Variants in UNKL observed in about 807,000 individuals in gnomAD.
UNKL encodes unk like zinc finger.
Under a neutral mutation model 78.0 loss-of-function variants are expected in UNKL, and 60 were observed. The observed-to-expected ratio is 0.77, with a 90% CI of 0.63 to 0.95. The LOEUF (loss-of-function observed/expected upper bound fraction) is 0.95, where lower values mean the gene tolerates loss of function less well. Ranked by LOEUF, UNKL falls within the 40% of genes least tolerant of loss-of-function variation. The pLI is 0.00. For synonymous variants in UNKL, 608 were observed against 474.8 expected (o/e 1.28, Z -3.65); for missense variants, 1,159 against 1,045.7 (o/e 1.11, Z -1.49).
chr16:1,393,022 G>T (rs185636125), intron 7 of UNKL, 46 bp from the exon 8 acceptor site: 140 of 1,534,184 alleles, frequency 9.1e-5, no homozygotes, highest in Admixed American at 2.7e-4. Flanking sequence ...GCTGGTGGGC[G>T]ACAGTGACAC....
In UNKL at chr16:1,399,067, CG is replaced by C; in HGVS notation, c.734+306del. 7.3e-7 allele frequency: 1 copy of C among 1,370,728 alleles called. No homozygotes were observed. The highest frequency in any genetic ancestry group is 9.6e-7 in the Non-Finnish European group (1 of 1,040,058). The allele number at this position is 1,370,728 out of a possible 1,614,324, so 84.9% of individuals were successfully genotyped here. On this transcript the variant is annotated intron_variant, in intron 5 of 14. Coordinates refer to ENST00000389221, the MANE Select transcript of UNKL (RefSeq NM_001372107.1). This position sits in a 1 kb window ranked among gnomAD's most constrained non-coding sequence, Gnocchi z 5.8. ...CAACCAGAGGCACGGGTGGGGCACACGGGGGTCCCAGCTGGGCTTGGGGTCC... is the reference window on the plus strand; with the variant it reads ...CAACCAGAGGCACGGGTGGGGCACACGGGGTCCCAGCTGGGCTTGGGGTCC...
intron 10 of UNKL, among the ~76,000 whole-genome samples, chr16:1,383,084 C>G (rs898503583): frequency 1.0e-4 from 15 of 149,250 alleles, no homozygotes; most frequent in African/African-American, 3.5e-4. Flanking sequence ...ATGGTAAAAC[C>G]CGATCTCTAC....
In UNKL at chr16:1,378,276, G is replaced by A. The variant is rs371705297; in HGVS notation, c.1265-6665C>T. On this transcript the variant is annotated intron_variant, in intron 10 of 14. Transcript: ENST00000389221. ...CCACAGCCCCCTCATGCTCCCATAC[G>A]GGGGCTTGATGACGGGCAGGGCCAA... Among the ~76,000 whole-genome samples the A allele has an allele frequency of 1.8e-3, 273 of 152,312 alleles. 10 individuals are homozygous for A. The South Asian group carries it at 0.044, about 25-fold the overall frequency.
Position 1,413,851 on chromosome 16 carries a change from G to T in UNKL, c.282C>A (p.Gly94=). 6.6e-7 allele frequency: 1 copy of T among 1,519,812 alleles called. No individual in the cohort carries two copies. The highest frequency in any genetic ancestry group is 8.9e-7 in the Non-Finnish European group (1 of 1,124,982). 94.1% of individuals were successfully genotyped at this position (1,519,812 alleles called of 1,614,324 possible). A position where few individuals can be genotyped will look rare whatever the true frequency, so the allele number is the denominator to read the frequency against. Residue 94 remains glycine (G), a synonymous_variant, in exon 2 of 15, where the codon GGC becomes GGA. Coordinates refer to ENST00000389221, the MANE Select transcript of UNKL (RefSeq NM_001372107.1). ...YNEATGVCPD[G]DECPYLHRTT... ...GCCCCCTCGCGGCCGCTTACTCGTC[G>T]CCGTCGGGGCACACGCCGGTGGCTT...
intron 2 of UNKL, among the ~76,000 whole-genome samples, chr16:1,406,667 C>A (rs769195600): frequency 2.6e-5 from 4 of 152,166 alleles, no homozygotes; most frequent in Non-Finnish European, 4.4e-5. Flanking sequence ...ACTGCTCGCA[C>A]GTCCCAGGCC....
At chr16:1,407,575 G>A (rs2037824323) in intron 2 of UNKL, among the ~76,000 whole-genome samples, 3 of 151,824 alleles carry the variant, frequency 2.0e-5, no homozygotes, top group Non-Finnish European at 4.4e-5. Flanking sequence ...GTGCGCCTAT[G>A]GTCCCAGCTA....
intron 14 of UNKL, 141 bp from the exon 15 acceptor site, chr16:1,366,536 C>A: frequency 9.3e-7 from 1 of 1,078,968 alleles, no homozygotes; most frequent in Non-Finnish European, 1.3e-6. Flanking sequence ...GGGAGACGCC[C>A]CAGCCAGGGC....
At chr16:1,372,062 C>T (rs2035890621) in intron 10 of UNKL, among the ~76,000 whole-genome samples, 1 of 151,114 alleles carries the variant, frequency 6.6e-6, no homozygotes, top group African/African-American at 2.4e-5. Context: ...CGAGACCATC[C>T]TGGCTAACAC....
At position 1,367,665 on chromosome 16, in the gene UNKL, C is replaced by T. The variant is rs372523813; in HGVS notation, c.1779G>A (p.Gln593=). 1.1e-4 allele frequency: 165 copies of T among 1,569,414 alleles called. No individual in the cohort carries two copies. The African/African-American group carries it at 2.1e-3, about 20-fold the overall frequency. Residue 593 remains glutamine, a synonymous_variant, in exon 13 of 15, where the codon CAG becomes CAA. Transcript: ENST00000389221. ...CCCCCCACACACTCACCTGCTTCAC[C>T]TGCTGCCAGGACTCCTCCCACTGCC... is the stretch of plus-strand genomic sequence containing the variant. ...KIRQWEESWQ[Q]VKQVCDAWQR...
At chr16:1,386,619 A>C (rs2036822002) in intron 9 of UNKL, among the ~76,000 whole-genome samples, 2 of 152,206 alleles carry the variant, frequency 1.3e-5, no homozygotes, top group Non-Finnish European at 2.9e-5. Context: ...TTTGCTGCAA[A>C]GTAATGCAGA....
Position 1,363,278 on chromosome 16 carries a change from T to A in UNKL, c.*2962A>T, listed in dbSNP as rs555685957. 1.6e-6 allele frequency: 1 copy of A among 622,948 alleles called. No homozygotes were observed. The highest frequency in any genetic ancestry group is 1.8e-5 in the African/African-American group (1 of 54,336). 38.6% of individuals were successfully genotyped at this position (622,948 alleles called of 1,614,324 possible). A position where few individuals can be genotyped will look rare whatever the true frequency, so the allele number is the denominator to read the frequency against. On this transcript the variant is annotated 3_prime_UTR_variant, in exon 15 of 15. Coordinates refer to ENST00000389221, the MANE Select transcript of UNKL (RefSeq NM_001372107.1). ...TGAATTCTGTAAACCATTGCATAAA[T>A]GCTATAGTGTAAAAAAATTTAAACA...
chr16:1,387,371 G>A lies in UNKL; in HGVS notation c.1087-1986C>T, dbSNP rs894138634. On this transcript the variant is annotated intron_variant, in intron 9 of 14. Transcript: ENST00000389221. The surrounding 1 kb of genome is among the most constrained non-coding windows in gnomAD (Gnocchi z 4.1). ...TGATTCGAGACCTGGTGCCATCTCAGTGGCAACCCGCCCCCTATCCCTTGC... is the reference window on the plus strand; with the variant it reads ...TGATTCGAGACCTGGTGCCATCTCAATGGCAACCCGCCCCCTATCCCTTGC... Among the ~76,000 whole-genome samples the A allele has an allele frequency of 6.6e-6, 1 of 152,212 alleles. No homozygotes were observed. Among genetic ancestry groups the A allele is most frequent in the African/African-American group, 2.4e-5 (1 of 41,448 alleles).
chr16:1,379,405 G>A (rs1004582192), intron 10 of UNKL: 26 of 914,892 alleles, frequency 2.8e-5, no homozygotes, highest in Non-Finnish European at 3.1e-5. Flanking sequence ...AGCCCGCGCT[G>A]GGAAGCGGCG....
intron 2 of UNKL, among the ~76,000 whole-genome samples, chr16:1,411,005 G>C (rs1434559164): frequency 6.6e-6 from 1 of 152,090 alleles, no homozygotes; most frequent in Non-Finnish European, 1.5e-5. Context: ...GCCAAGGTGG[G>C]AAGATCGCTT....
rs988106228 is a variant in UNKL at position 1,387,772 on chromosome 16, C to T, written c.1087-2387G>A. On this transcript the variant is annotated intron_variant, in intron 9 of 14. Coordinates refer to ENST00000389221, the MANE Select transcript of UNKL (RefSeq NM_001372107.1). The surrounding 1 kb of genome is among the most constrained non-coding windows in gnomAD (Gnocchi z 4.1). ...GGGACGTGGACACTGCACCGCCGCACGGCTGCCCGGCCTGCGGAAGCCCTC... is the reference window on the plus strand; with the variant it reads ...GGGACGTGGACACTGCACCGCCGCATGGCTGCCCGGCCTGCGGAAGCCCTC... 1.7e-4 allele frequency among the ~76,000 whole-genome samples: 26 copies of T among 152,066 alleles called. No homozygotes were observed. Among genetic ancestry groups the T allele is most frequent in the African/African-American group, 4.1e-4 (17 of 41,390 alleles).
chr16:1,368,766 T>C (rs1255595262), intron 12 of UNKL, among the ~76,000 whole-genome samples: 8 of 152,004 alleles, frequency 5.3e-5, no homozygotes. Flanking sequence ...CCTGGCGTGG[T>C]AGCAGGTACC....
chr16:1,368,102 C>A (rs979604732), intron 12 of UNKL: 10 of 569,944 alleles, frequency 1.8e-5, no homozygotes, highest in Non-Finnish European at 2.2e-5. Flanking sequence ...GCCTTCCTGG[C>A]CACCTGAGGA....
chr16:1,376,328 T>C (rs1189612408), intron 10 of UNKL, among the ~76,000 whole-genome samples: 1 of 139,730 alleles, frequency 7.2e-6, no homozygotes, highest in Admixed American at 7.1e-5. Context: ...GGGGCACTCC[T>C]CTTCCCTCCT....
At chr16:1,374,651 C>T (rs2036078358) in intron 10 of UNKL, among the ~76,000 whole-genome samples, 1 of 152,152 alleles carries the variant, frequency 6.6e-6, no homozygotes, top group African/African-American at 2.4e-5. Context: ...CCCTCGCAGA[C>T]CTCCTGCAGC....
Sources: allele counts gnomAD v4.1 joint callset (sites outside exome capture counted in the v4.1 genomes callset), GRCh38; gene constraint gnomAD v4.1.1; non-coding constraint Gnocchi (gnomAD v3.1); transcripts MANE v1.5; gene names NCBI Gene and HGNC (gene_info 2026-07-23, HGNC 2026-07-21).